FMN2: variants seen among roughly 807,000 people sequenced by gnomAD.
FMN2 encodes the protein formin 2.
Under a neutral mutation model 142.3 loss-of-function variants are expected in FMN2, and 51 were observed. The ratio of observed to expected loss-of-function variants is 0.36; its 90% CI spans 0.29 to 0.45. The LOEUF (loss-of-function observed/expected upper bound fraction) is 0.45, where lower values mean the gene tolerates loss of function less well. Ranked by LOEUF, FMN2 falls within the 20% of genes least tolerant of loss-of-function variation. FMN2 has a pLI of 1.00. For synonymous variants in FMN2, 882 were observed against 869.8 expected (o/e 1.01, Z -0.25); for missense variants, 1,936 against 2,122.8 (o/e 0.91, Z 1.73).
intron 14 of FMN2, among the ~76,000 whole-genome samples, chr1:240,389,652 A>G (rs900187476): frequency 7.2e-5 from 11 of 152,192 alleles, no homozygotes; most frequent in Non-Finnish European, 1.5e-4. Context: ...CACCATAAGT[A>G]TGTTTAAAAG....
intron 6 of FMN2, among the ~76,000 whole-genome samples, chr1:240,248,543 G>A (rs952138334): frequency 2.0e-5 from 3 of 150,866 alleles, no homozygotes; most frequent in Admixed American, 2.0e-4. Context: ...CTTTGCTATT[G>A]TGAACAGTAC....
Position 240,144,917 on chromosome 1 carries a change from G to A in FMN2, c.1782+21572G>A, listed in dbSNP as rs571895010. The stretch of plus-strand genomic sequence containing the variant: ...GTGCCTGATATACTCATGACTCCAT[G>A]ATGCCAATTCCTTCTGGGAGCCTAC... On this transcript the variant is annotated intron_variant, in intron 2 of 17. Transcript: ENST00000319653. 55 of 1,346,392 alleles carry A rather than the reference G, an allele frequency of 4.1e-5. No homozygotes were observed. In the African/African-American group the frequency reaches 7.1e-4, roughly 17 times the overall value. The allele number at this position is 1,346,392 out of a possible 1,614,324, so 83.4% of individuals were successfully genotyped here.
intron 2 of FMN2, among the ~76,000 whole-genome samples, chr1:240,174,770 T>C (rs1664848894): frequency 6.6e-6 from 1 of 152,198 alleles, no homozygotes; most frequent in Non-Finnish European, 1.5e-5. Flanking sequence ...ATCTTAGCTA[T>C]CCCCAACAGC....
In FMN2 at chr1:240,363,716, C is replaced by T. The variant is rs544836612; in HGVS notation, c.4858+7808C>T. Among the ~76,000 whole-genome samples the T allele has an allele frequency of 7.2e-5, 11 of 152,302 alleles. No individual in the cohort carries two copies. In the South Asian group the frequency reaches 1.7e-3, roughly 23 times the overall value. On this transcript the variant is annotated intron_variant, in intron 14 of 17. Transcript: ENST00000319653. The stretch of plus-strand genomic sequence containing the variant: ...CTCTCAAGGTCCTGCCAGCTCTACA[C>T]GTCCCCAACTCTGTTTCTCCCCTCC...
intron 1 of FMN2, among the ~76,000 whole-genome samples, chr1:240,104,740 G>C (rs535294485): frequency 6.6e-6 from 1 of 152,074 alleles, no homozygotes; most frequent in South Asian, 2.1e-4. Flanking sequence ...CTTGTTTTTT[G>C]CTTCCCACTG....
At chr1:240,464,584 C>T (rs1676553156) in intron 16 of FMN2, among the ~76,000 whole-genome samples, 1 of 152,106 alleles carries the variant, frequency 6.6e-6, no homozygotes, top group South Asian at 2.1e-4. Context: ...AGATTTTAGA[C>T]TATGAATAGT....
chr1:240,443,750 C>T (rs1352737264), intron 16 of FMN2, among the ~76,000 whole-genome samples: 1 of 149,762 alleles, frequency 6.7e-6, no homozygotes, highest in East Asian at 2.2e-4. Flanking sequence ...AAGACTCAGT[C>T]TCAAAAAAAA....
chr1:240,194,316 T>TA (rs1665830415), intron 4 of FMN2, among the ~76,000 whole-genome samples: 1 of 152,194 alleles, frequency 6.6e-6, no homozygotes, highest in African/African-American at 2.4e-5. Context: ...AAATCCCAGT[T>TA]ATTCCACTTT....
chr1:240,135,824 T>C (rs1662916107), intron 2 of FMN2, among the ~76,000 whole-genome samples: 1 of 151,722 alleles, frequency 6.6e-6, no homozygotes, highest in South Asian at 2.1e-4. Flanking sequence ...GGACTACAGG[T>C]ACATGCCACC....
chr1:240,454,685 C>T (rs755135951), intron 16 of FMN2, among the ~76,000 whole-genome samples: 2 of 152,128 alleles, frequency 1.3e-5, no homozygotes, highest in Non-Finnish European at 2.9e-5. Flanking sequence ...CTTAGTTAAG[C>T]ATTAAGCAAA....
intron 6 of FMN2, among the ~76,000 whole-genome samples, chr1:240,252,296 T>C (rs931441332): frequency 4.6e-5 from 7 of 152,176 alleles, no homozygotes; most frequent in Non-Finnish European, 1.0e-4. Flanking sequence ...TAGTTTTCTA[T>C]AGTGGCAACA....
intron 16 of FMN2, among the ~76,000 whole-genome samples, chr1:240,447,130 A>G (rs531940712): frequency 6.6e-6 from 1 of 152,204 alleles, no homozygotes; most frequent in African/African-American, 2.4e-5. Context: ...ATTTTATTTG[A>G]CAGACAGCAA....
chr1:240,308,936 TGTG>T lies in FMN2; in HGVS notation c.4215+14056_4215+14058del, dbSNP rs540638043. Among the ~76,000 whole-genome samples, 1,110 of 152,296 alleles carry T rather than the reference TGTG, an allele frequency of 7.3e-3. 12 individuals are homozygous for T. Among genetic ancestry groups the T allele is most frequent in the African/African-American group, 0.026 (1,063 of 41,558 alleles). ...GTAGAAAATGGGGCAATGAGAATTCTGTGGTTATGTTAGGTTTGAGTGGTCTGT... is the reference window on the plus strand; with the variant it reads ...GTAGAAAATGGGGCAATGAGAATTCTGTTATGTTAGGTTTGAGTGGTCTGT... On this transcript the variant is annotated intron_variant, in intron 8 of 17. Coordinates refer to ENST00000319653, the MANE Select transcript of FMN2 (RefSeq NM_020066.5).
At chr1:240,103,300 C>T (rs1048368940) in intron 1 of FMN2, among the ~76,000 whole-genome samples, 7 of 152,204 alleles carry the variant, frequency 4.6e-5, no homozygotes, top group African/African-American at 1.7e-4. Context: ...AGGCTAAGCC[C>T]TTAAGGTTGA....
rs1203005244 is a variant in FMN2, at chr1:240,091,984, T to C, written c.-126T>C. On this transcript the variant is annotated 5_prime_UTR_variant, in exon 1 of 18. Transcript: ENST00000319653. ...CAGCCGGGCGCGCGTCGGCCTCCCC[T>C]CCCAGCGGCTCCCCCCGCCGCCGCC... 11 of 1,371,134 alleles carry C rather than the reference T, an allele frequency of 8.0e-6. No homozygotes were observed. The South Asian group carries it at 1.9e-4, about 24-fold the overall frequency. 84.9% of individuals were successfully genotyped at this position (1,371,134 alleles called of 1,614,324 possible). A position where few individuals can be genotyped will look rare whatever the true frequency, so the allele number is the denominator to read the frequency against.
chr1:240,215,675 A>T (rs1474828898), intron 6 of FMN2, among the ~76,000 whole-genome samples: 1 of 152,146 alleles, frequency 6.6e-6, no homozygotes, highest in East Asian at 1.9e-4. Flanking sequence ...TGTATGTGAG[A>T]CACTTTTAAA....
chr1:240,255,855 G>T (rs2102893802), intron 6 of FMN2, among the ~76,000 whole-genome samples: 1 of 152,228 alleles, frequency 6.6e-6, no homozygotes, highest in Non-Finnish European at 1.5e-5. Context: ...CTCTACAGGA[G>T]AAATTATAGG....
At chr1:240,282,523 C>T (rs1209176274) in intron 7 of FMN2, among the ~76,000 whole-genome samples, 2 of 152,196 alleles carry the variant, frequency 1.3e-5, no homozygotes, top group African/African-American at 2.4e-5. Context: ...TGCCATTTAA[C>T]TGGCCTTTAT....
intron 15 of FMN2, among the ~76,000 whole-genome samples, chr1:240,422,017 A>G (rs1674783943): frequency 6.6e-6 from 1 of 152,138 alleles, no homozygotes; most frequent in Non-Finnish European, 1.5e-5. Context: ...CTGGACCTGC[A>G]TGGGGAGAGA....
Sources: allele counts gnomAD v4.1 joint callset (sites outside exome capture counted in the v4.1 genomes callset), GRCh38; gene constraint gnomAD v4.1.1; transcripts MANE v1.5; gene names NCBI Gene and HGNC (gene_info 2026-07-23, HGNC 2026-07-21).